The following GTF2IRD2 variants were observed in gnomAD, a reference collection of about 807,000 sequenced individuals.
GTF2IRD2 encodes GTF2I repeat domain containing 2, also known as general transcription factor II-I repeat domain-containing protein 2A.
GTF2IRD2 carries 8 observed loss-of-function variants against 49.2 expected under a neutral mutation model. The observed-to-expected ratio is 0.16, with a 90% CI of 0.10 to 0.29. The LOEUF (loss-of-function observed/expected upper bound fraction) is 0.29. Among genes scored for constraint, GTF2IRD2 ranks in the 10% least tolerant of loss-of-function variants. The pLI is 1.00. For missense variants in GTF2IRD2, 130 were observed against 725.7 expected (o/e 0.18, Z 9.43); for synonymous variants, 47 against 289.7 (o/e 0.16, Z 8.51).
At chr7:74,844,356 TTTTTTTTATTTATTTATTTA>T (rs1206519550) in intron 1 of GTF2IRD2, among the ~76,000 whole-genome samples, 1 of 24,410 alleles carries the variant, frequency 4.1e-5, no homozygotes, top group Non-Finnish European at 8.5e-5. Flanking sequence ...GAGGATTATG[TTTTTTTTATTTATTTATTTA>T]TTTATTTATT....
chr7:74,827,020 T>C (rs587721072), intron 3 of GTF2IRD2, among the ~76,000 whole-genome samples: 1 of 152,072 alleles, frequency 6.6e-6, no homozygotes, highest in Admixed American at 6.6e-5. Context: ...CATTTCATTC[T>C]TTTTTATGGC....
Position 74,840,067 on chromosome 7 carries a change from C to CTTTTTTTTT in GTF2IRD2, c.-5-3693_-5-3685dup, listed in dbSNP as rs1165672995. Among the ~76,000 whole-genome samples, 26 of 70,150 alleles carry CTTTTTTTTT rather than the reference C, an allele frequency of 3.7e-4. 1 individual carries two copies. Among genetic ancestry groups the CTTTTTTTTT allele is most frequent in the East Asian group, 6.2e-4 (1 of 1,612 alleles). The allele number at this position is 70,150 out of a possible 152,430, so 46.0% of individuals were successfully genotyped here. ...ACCCCTGGTGATGAAGGTCCTATGT[C>CTTTTTTTTT]TTTTTTTTTTTTTTTTTTTTTTTGA... On this transcript the variant is annotated intron_variant, in intron 1 of 15. Transcript: ENST00000451013.
At chr7:74,809,807 C>T (rs1584388056) in intron 10 of GTF2IRD2, among the ~76,000 whole-genome samples, 1 of 134,092 alleles carries the variant, frequency 7.5e-6, no homozygotes, top group African/African-American at 2.6e-5. Context: ...TTATTATTAT[C>T]ATTATTGAGA....
intron 1 of GTF2IRD2, among the ~76,000 whole-genome samples, chr7:74,840,897 G>C (rs1237288629): frequency 9.9e-5 from 12 of 121,414 alleles, no homozygotes; most frequent in African/African-American, 4.1e-4. Flanking sequence ...ACCCAGGCTG[G>C]AGTGCAGTGG....
intron 8 of GTF2IRD2, among the ~76,000 whole-genome samples, chr7:74,818,445 C>CCTCT (rs781997059): frequency 5.0e-5 from 5 of 99,354 alleles, no homozygotes; most frequent in African/African-American, 2.0e-4. Context: ...TAGAAGGCTC[C>CCTCT]CTCTCTCTCT....
Position 74,822,730 on chromosome 7 carries a change from G to A in GTF2IRD2, c.436C>T (p.Gln146Ter), listed in dbSNP as rs1554418870. 1.5e-6 allele frequency: 2 copies of A among 1,362,616 alleles called. No individual in the cohort carries two copies. The highest frequency in any genetic ancestry group is 2.6e-5 in the South Asian group (2 of 77,812). The allele number at this position is 1,362,616 out of a possible 1,614,324, so 84.4% of individuals were successfully genotyped here. Reference sequence around the variant, plus strand: ...AAGGCAACGCCTTCCGGAAGCCCCTGCACTACCACAGCCGACTGGTCTCGC... The same window carrying A: ...AAGGCAACGCCTTCCGGAAGCCCCTACACTACCACAGCCGACTGGTCTCGC... The part of the protein sequence containing the change: ...MLRDQSAVVV[Q>*]GLPEGVAFQH... The change falls in exon 5 of 16, where the codon CAG becomes TAG. Residue 146 changes from glutamine to a stop codon, truncating the protein, a stop_gained. Coordinates refer to ENST00000451013, the MANE Select transcript of GTF2IRD2 (RefSeq NM_173537.5). LOFTEE classifies it high-confidence loss of function.
intron 4 of GTF2IRD2, among the ~76,000 whole-genome samples, chr7:74,824,193 G>C (rs1262832633): frequency 7.4e-6 from 1 of 134,656 alleles, no homozygotes; most frequent in African/African-American, 2.9e-5. Context: ...TGGTGGCCAG[G>C]CACGGCGGCT....
chr7:74,826,100 G>A (rs1466805644), intron 3 of GTF2IRD2, among the ~76,000 whole-genome samples: 1 of 151,308 alleles, frequency 6.6e-6, no homozygotes, highest in African/African-American at 2.4e-5. Context: ...TAGTTTTCTT[G>A]CATGGATATA....
rs1320009298 is a variant in GTF2IRD2 at position 74,842,712 on chromosome 7, C to T, written c.-5-6329G>A. Among the ~76,000 whole-genome samples the T allele has an allele frequency of 2.1e-4, 30 of 143,384 alleles. 3 individuals carry two copies. The highest frequency in any genetic ancestry group is 3.9e-3 in the Middle Eastern group (1 of 254). The allele number at this position is 143,384 out of a possible 152,430, so 94.1% of individuals were successfully genotyped here. A position where few individuals can be genotyped will look rare whatever the true frequency, so the allele number is the denominator to read the frequency against. On this transcript the variant is annotated intron_variant, in intron 1 of 15. Transcript: ENST00000451013. ...TAGCTAAGATGACAGGCATGTGCCA[C>T]GACACTCAGCTAATTTTCTATTTTT...
intron 1 of GTF2IRD2, among the ~76,000 whole-genome samples, chr7:74,841,428 C>T (rs1395832744): frequency 1.4e-4 from 19 of 133,510 alleles, no homozygotes; most frequent in Non-Finnish European, 2.3e-4. Context: ...CTTGGCCTCC[C>T]GAAGCCCTGT....
At chr7:74,833,274 G>A (rs1163587779) in intron 2 of GTF2IRD2, among the ~76,000 whole-genome samples, 3 of 119,666 alleles carry the variant, frequency 2.5e-5, no homozygotes, top group East Asian at 6.6e-4. Context: ...GTAGAGACGG[G>A]GTTTCACCGT....
intron 8 of GTF2IRD2, among the ~76,000 whole-genome samples, chr7:74,818,450 C>G (rs1468762307): frequency 3.7e-5 from 2 of 54,682 alleles, no homozygotes; most frequent in African/African-American, 9.8e-5. Context: ...GGCTCCCTCT[C>G]TCTCTCTCTT....
rs1403227752 is a variant in GTF2IRD2 at position 74,839,062 on chromosome 7, T to C, written c.-5-2679A>G. On this transcript the variant is annotated intron_variant, in intron 1 of 15. Transcript: ENST00000451013. ...GCCTCAGCCTCCCAAGTAGCTGGGATTACAGGCAGGCGCCACCATGCTCGG... is the reference window on the plus strand; with the variant it reads ...GCCTCAGCCTCCCAAGTAGCTGGGACTACAGGCAGGCGCCACCATGCTCGG... Among the ~76,000 whole-genome samples, 4 of 24,096 alleles carry C rather than the reference T, an allele frequency of 1.7e-4. 1 individual carries two copies. The highest frequency in any genetic ancestry group is 2.7e-4 in the Non-Finnish European group (4 of 14,920). 15.8% of individuals were successfully genotyped at this position (24,096 alleles called of 152,430 possible). A position where few individuals can be genotyped will look rare whatever the true frequency, so the allele number is the denominator to read the frequency against.
rs201888085 is a variant in GTF2IRD2 at position 74,797,719 on chromosome 7, C to T, written c.1793G>A (p.Arg598His). 4.8e-5 allele frequency: 76 copies of T among 1,597,446 alleles called. 1 individual carries two copies. The highest frequency in any genetic ancestry group is 1.9e-4 in the Admixed American group (11 of 57,714). The change falls in exon 16 of 16, where the codon CGT (arginine) becomes CAT (histidine). Residue 598 changes from arginine to histidine, a missense_variant. Arg to His is a conservative substitution (Grantham distance 29). Transcript: ENST00000451013. ...GTKSGNEIFS[R>H]VEKSLKNFCI... ...GAAGTTTTTCAGGCTTTTCTCAACA[C>T]GCGAAAAGATCTCGTTGCCAGATTT... is the stretch of plus-strand genomic sequence containing the variant.
chr7:74,840,533 T>A (rs1183872781), intron 1 of GTF2IRD2, among the ~76,000 whole-genome samples: 8 of 68,266 alleles, frequency 1.2e-4, no homozygotes, highest in Non-Finnish European at 2.1e-4. Context: ...CATCAGAAGT[T>A]TACTGTTCTT....
chr7:74,826,653 T>C (rs2131739210), intron 3 of GTF2IRD2, among the ~76,000 whole-genome samples: 1 of 109,342 alleles, frequency 9.1e-6, no homozygotes, highest in Non-Finnish European at 1.8e-5. Context: ...ATAAAGACAA[T>C]AGCCCCCAAT....
At chr7:74,845,182 GAATAA>G in intron 1 of GTF2IRD2, among the ~76,000 whole-genome samples, 2 of 151,580 alleles carry the variant, frequency 1.3e-5, no homozygotes, top group East Asian at 3.9e-4. Flanking sequence ...AAAAACCGAA[GAATAA>G]AATAATAGGC....
At chr7:74,822,051 G>A (rs1321698147) in intron 6 of GTF2IRD2, 2 of 283,846 alleles carry the variant, frequency 7.0e-6, no homozygotes. Context: ...TTCAAGTTTT[G>A]TTTTTTTTTT....
At chr7:74,830,209 A>G (rs1799728649) in intron 3 of GTF2IRD2, among the ~76,000 whole-genome samples, 1 of 87,286 alleles carries the variant, frequency 1.1e-5, no homozygotes, top group African/African-American at 3.0e-5. Flanking sequence ...TCAAAAAAAA[A>G]AAAAAAAAAA....
Sources: gnomAD v4.1 joint callset for allele counts (sites outside exome capture counted in the v4.1 genomes callset) on GRCh38, gnomAD v4.1.1 for gene constraint, MANE v1.5 for transcripts, NCBI Gene and HGNC (gene_info 2026-07-23, HGNC 2026-07-21) for gene names.